Variants in ADAMTSL1 observed in about 807,000 individuals in gnomAD.
ADAMTSL1 encodes the protein ADAMTS-like protein 1.
Under a neutral mutation model 201.8 loss-of-function variants are expected in ADAMTSL1, and 126 were observed. That is an observed-to-expected ratio of 0.62 (90% CI 0.54 to 0.72). ADAMTSL1 has a LOEUF of 0.72. ADAMTSL1 is among the 30% of genes least tolerant of loss of function. ADAMTSL1 has a pLI of 0.00. For synonymous variants in ADAMTSL1, 1,121 were observed against 903.4 expected (o/e 1.24, Z -4.32); for missense variants, 2,679 against 2,277.8 (o/e 1.18, Z -3.59).
intron 1 of ADAMTSL1, among the ~76,000 whole-genome samples, chr9:18,002,215 T>A (rs1819640629): frequency 6.6e-6 from 1 of 152,048 alleles, no homozygotes; most frequent in African/African-American, 2.4e-5. Context: ...TATAGGAATC[T>A]GTGGGCAGAA....
chr9:18,684,524 A>G (rs1830706291), intron 12 of ADAMTSL1, among the ~76,000 whole-genome samples, 192 bp from the exon 13 acceptor site: 1 of 152,234 alleles, frequency 6.6e-6, no homozygotes, highest in Non-Finnish European at 1.5e-5. Context: ...CACACAAACT[A>G]GTATTATTAA....
At chr9:18,055,289 C>A (rs572612362) in intron 1 of ADAMTSL1, among the ~76,000 whole-genome samples, 3 of 152,170 alleles carry the variant, frequency 2.0e-5, no homozygotes, top group Admixed American at 6.5e-5. Context: ...GCCTCACAAA[C>A]AGACTGGTTT....
chr9:18,716,040 A>C (rs1326975573), intron 14 of ADAMTSL1, among the ~76,000 whole-genome samples: 7 of 150,330 alleles, frequency 4.7e-5, no homozygotes, highest in Admixed American at 4.6e-4. Flanking sequence ...CCATATGTAG[A>C]AAGCTGAAAC....
At chr9:18,153,476 G>C (rs1270736242) in intron 1 of ADAMTSL1, among the ~76,000 whole-genome samples, 1 of 151,998 alleles carries the variant, frequency 6.6e-6, no homozygotes, top group South Asian at 2.1e-4. Flanking sequence ...ACCAGGCACT[G>C]CTAGGCTTTC....
At chr9:18,900,499 T>C (rs1159798084) in intron 26 of ADAMTSL1, among the ~76,000 whole-genome samples, 1 of 152,080 alleles carries the variant, frequency 6.6e-6, no homozygotes, top group Non-Finnish European at 1.5e-5. Context: ...GCAGCACTAC[T>C]CACAATAGCA....
At chr9:18,101,672 GA>G (rs1252356142) in intron 1 of ADAMTSL1, among the ~76,000 whole-genome samples, 3 of 152,216 alleles carry the variant, frequency 2.0e-5, no homozygotes, top group Admixed American at 6.5e-5. Flanking sequence ...GACAAGGGCA[GA>G]AGATGGAGGT....
intron 3 of ADAMTSL1, among the ~76,000 whole-genome samples, chr9:18,564,357 C>G (rs1821743196): frequency 6.6e-6 from 1 of 152,132 alleles, no homozygotes; most frequent in South Asian, 2.1e-4. Context: ...TCTAACCAGT[C>G]CCAGTGAGAT....
At chr9:18,894,476 G>A (rs1462942955) in intron 26 of ADAMTSL1, among the ~76,000 whole-genome samples, 1 of 151,082 alleles carries the variant, frequency 6.6e-6, no homozygotes, top group Non-Finnish European at 1.5e-5. Context: ...GTATTGAGCA[G>A]TACCAATGGA....
upstream of ADAMTSL1, chr9:18,474,091 T>G: frequency 5.5e-6 from 2 of 362,528 alleles, no homozygotes; most frequent in Non-Finnish European, 5.4e-6. Context: ...CACCCACCCC[T>G]CGGTCAGGAA....
intron 2 of ADAMTSL1, among the ~76,000 whole-genome samples, chr9:18,433,885 C>A (rs763947991): frequency 6.6e-6 from 1 of 152,160 alleles, no homozygotes; most frequent in Non-Finnish European, 1.5e-5. Flanking sequence ...GGATTCAATA[C>A]AGAATGTGTC....
intron 1 of ADAMTSL1, among the ~76,000 whole-genome samples, chr9:18,012,542 T>G (rs921110091): frequency 6.6e-6 from 1 of 152,032 alleles, no homozygotes; most frequent in African/African-American, 2.4e-5. Flanking sequence ...GACTCGTACG[T>G]GAACATTGCT....
chr9:18,212,960 T>A (rs1829931734), intron 2 of ADAMTSL1, among the ~76,000 whole-genome samples: 1 of 152,186 alleles, frequency 6.6e-6, no homozygotes, highest in Non-Finnish European at 1.5e-5. Context: ...TTGTCCTAAA[T>A]GCAAATTACT....
chr9:18,623,933 G>A (rs1194529517), intron 5 of ADAMTSL1, among the ~76,000 whole-genome samples: 1 of 152,178 alleles, frequency 6.6e-6, no homozygotes, highest in Non-Finnish European at 1.5e-5. Flanking sequence ...GACATATGGA[G>A]AGTTTGTTGC....
Position 18,636,120 on chromosome 9 carries a change from T to C in ADAMTSL1, c.676+103T>C, listed in dbSNP as rs111245411. 3.5e-4 allele frequency: 336 copies of C among 964,386 alleles called. No homozygotes were observed. In the African/African-American group the frequency reaches 5.3e-3, roughly 15 times the overall value. 59.7% of individuals were successfully genotyped at this position (964,386 alleles called of 1,614,324 possible). A position where few individuals can be genotyped will look rare whatever the true frequency, so the allele number is the denominator to read the frequency against. On this transcript the variant is annotated intron_variant, in intron 6 of 28. Transcript: ENST00000380548. ...TAAAACACAAGAATACAAATCTTTCTACTCTATCATAATATGATATTTTGA... is the reference window on the plus strand; with the variant it reads ...TAAAACACAAGAATACAAATCTTTCCACTCTATCATAATATGATATTTTGA...
intron 13 of ADAMTSL1, among the ~76,000 whole-genome samples, chr9:18,694,820 C>T (rs1831453867): frequency 6.6e-6 from 1 of 152,224 alleles, no homozygotes; most frequent in Admixed American, 6.5e-5. Flanking sequence ...TCCAATCCCA[C>T]ATTTCCCATC....
At chr9:18,386,418 G>C (rs1478777075) in intron 2 of ADAMTSL1, among the ~76,000 whole-genome samples, 1 of 152,124 alleles carries the variant, frequency 6.6e-6, no homozygotes, top group East Asian at 1.9e-4. Flanking sequence ...AAAGACACTG[G>C]AATACTTGGG....
chr9:18,657,724 T>G lies in ADAMTSL1; in HGVS notation c.920T>G (p.Phe307Cys). Residue 307 changes from phenylalanine (F) to cysteine (C), a missense_variant, in exon 8 of 29, where the codon TTT becomes TGT. By Grantham distance (205) the Phe-to-Cys change is radical (BLOSUM62 -2). Transcript: ENST00000380548. ...IIHRWRETDF[F>C]PCSATCGGGY... ...CACCGATGGAGGGAGACGGATTTCT[T>G]TCCTTGCTCAGCAACCTGTGGAGGA... 2 of 1,614,162 alleles carry G rather than the reference T, an allele frequency of 1.2e-6. No individual in the cohort carries two copies. The highest frequency in any genetic ancestry group is 1.7e-6 in the Non-Finnish European group (2 of 1,179,982).
At chr9:18,435,507 GA>G (rs1014207315) in intron 2 of ADAMTSL1, among the ~76,000 whole-genome samples, 3 of 152,164 alleles carry the variant, frequency 2.0e-5, no homozygotes, top group African/African-American at 7.2e-5. Flanking sequence ...GAATATATAG[GA>G]GGGGTTGGAA....
chr9:18,029,064 T>C (rs1367933121), intron 1 of ADAMTSL1, among the ~76,000 whole-genome samples: 1 of 152,144 alleles, frequency 6.6e-6, no homozygotes, highest in Non-Finnish European at 1.5e-5. Context: ...TCTCTGTTTG[T>C]CTGTTATTGG....
Sources: gnomAD v4.1 joint callset for allele counts (sites outside exome capture counted in the v4.1 genomes callset) on GRCh38, gnomAD v4.1.1 for gene constraint, MANE v1.5 for transcripts, NCBI Gene and HGNC (gene_info 2026-07-23, HGNC 2026-07-21) for gene names.